CAP2: variants seen among roughly 807,000 people sequenced by gnomAD.
CAP2 encodes cyclase associated actin cytoskeleton regulatory protein 2.
CAP2 carries 24 observed loss-of-function variants against 57.7 expected under a neutral mutation model. The ratio of observed to expected loss-of-function variants is 0.42; its 90% CI spans 0.30 to 0.58. CAP2 has a LOEUF of 0.58. CAP2 is among the 20% of genes least tolerant of loss of function. CAP2 has a pLI of 0.22. For missense variants in CAP2, 501 were observed against 590.3 expected (o/e 0.85, Z 1.57); for synonymous variants, 194 against 207.2 (o/e 0.94, Z 0.55).
intron 1 of CAP2, among the ~76,000 whole-genome samples, chr6:17,400,009 A>G (rs969310714): frequency 3.3e-5 from 5 of 152,038 alleles, no homozygotes; most frequent in African/African-American, 1.2e-4. Context: ...TCACAAGGTC[A>G]GGAGATTGAG....
At chr6:17,533,620 G>T (rs1479334303) in intron 7 of CAP2, among the ~76,000 whole-genome samples, 3 of 149,720 alleles carry the variant, frequency 2.0e-5, no homozygotes, top group South Asian at 2.1e-4. Context: ...CCAGGCTGAA[G>T]TACAGTGGCG....
intron 8 of CAP2, among the ~76,000 whole-genome samples, chr6:17,539,903 G>A (rs1363663598): frequency 6.6e-6 from 1 of 152,026 alleles, no homozygotes; most frequent in Non-Finnish European, 1.5e-5. Flanking sequence ...AACATAGTGA[G>A]ACCCCATCTT....
chr6:17,443,329 A>G (rs1310507702), intron 3 of CAP2, among the ~76,000 whole-genome samples: 3 of 152,132 alleles, frequency 2.0e-5, no homozygotes, highest in Non-Finnish European at 4.4e-5. Context: ...ATACTGCAGA[A>G]TATATGTTCT....
At chr6:17,481,734 T>A (rs1761291702) in intron 4 of CAP2, among the ~76,000 whole-genome samples, 2 of 152,202 alleles carry the variant, frequency 1.3e-5, no homozygotes. Flanking sequence ...TCTGAAAATA[T>A]CCTTCTCTGC....
chr6:17,493,445 A>G, intron 4 of CAP2: 1 of 311,942 alleles, frequency 3.2e-6, no homozygotes, highest in Non-Finnish European at 6.7e-6. Context: ...TTTCACCGCC[A>G]ACCACAGACT....
chr6:17,448,233 G>T (rs1413680239), intron 3 of CAP2, among the ~76,000 whole-genome samples: 1 of 152,238 alleles, frequency 6.6e-6, no homozygotes, highest in Non-Finnish European at 1.5e-5. Flanking sequence ...GTAGCCAAGT[G>T]TCCTTTATTT....
At chr6:17,497,445 A>G (rs951973737) in intron 4 of CAP2, among the ~76,000 whole-genome samples, 3 of 152,236 alleles carry the variant, frequency 2.0e-5, no homozygotes, top group Admixed American at 2.0e-4. Flanking sequence ...GATTCTTCTT[A>G]GCCACCTGAT....
chr6:17,523,266 C>T (rs144460499), intron 7 of CAP2, among the ~76,000 whole-genome samples: 2 of 152,168 alleles, frequency 1.3e-5, no homozygotes, highest in African/African-American at 4.8e-5. Flanking sequence ...CACAAAATTT[C>T]CAATCTGGAA....
chr6:17,525,932 G>A (rs1197163456), intron 7 of CAP2, among the ~76,000 whole-genome samples: 2 of 152,116 alleles, frequency 1.3e-5, no homozygotes, highest in Non-Finnish European at 2.9e-5. Flanking sequence ...TCCATTTCCA[G>A]TTCAGCCTGA....
intron 2 of CAP2, among the ~76,000 whole-genome samples, chr6:17,424,975 A>T (rs1759550515): frequency 6.6e-6 from 1 of 152,200 alleles, no homozygotes; most frequent in Non-Finnish European, 1.5e-5. Flanking sequence ...TTTATGTTCC[A>T]GAAGTTGTTA....
At chr6:17,521,698 A>G (rs368118500) in intron 7 of CAP2, among the ~76,000 whole-genome samples, 11 of 152,148 alleles carry the variant, frequency 7.2e-5, no homozygotes, top group African/African-American at 2.4e-4. Flanking sequence ...GCAGTGTGCT[A>G]GGGAATCCAC....
intron 3 of CAP2, among the ~76,000 whole-genome samples, chr6:17,457,601 A>G (rs1352513945): frequency 1.3e-5 from 2 of 152,266 alleles, no homozygotes; most frequent in Admixed American, 1.3e-4. Flanking sequence ...TCAAATTCTC[A>G]GAAAGGTTTT....
intron 2 of CAP2, 133 bp downstream of exon 2, chr6:17,421,809 A>G (rs1759455306): frequency 1.5e-5 from 15 of 1,015,780 alleles, no homozygotes; most frequent in Admixed American, 1.0e-4. Context: ...TGACCATAAC[A>G]TTAACCAGAG....
intron 9 of CAP2, among the ~76,000 whole-genome samples, chr6:17,542,371 G>A (rs926466048): frequency 6.6e-6 from 1 of 152,156 alleles, no homozygotes; most frequent in Non-Finnish European, 1.5e-5. Context: ...ATGAAAGCTG[G>A]TGTCTCCTGC....
At chr6:17,453,387 T>C (rs1760465852) in intron 3 of CAP2, among the ~76,000 whole-genome samples, 2 of 152,216 alleles carry the variant, frequency 1.3e-5, no homozygotes, top group South Asian at 4.1e-4. Context: ...CTTGGAACTG[T>C]GTATCGGGAA....
At chr6:17,482,780 G>A (rs1040015507) in intron 4 of CAP2, among the ~76,000 whole-genome samples, 1 of 152,078 alleles carries the variant, frequency 6.6e-6, no homozygotes, top group Non-Finnish European at 1.5e-5. Flanking sequence ...ACTGCAGTAC[G>A]ACCTCATCTT....
At chr6:17,527,597 CTTTT>C (rs10668941) in intron 7 of CAP2, among the ~76,000 whole-genome samples, 1 of 131,214 alleles carries the variant, frequency 7.6e-6, no homozygotes, top group African/African-American at 2.9e-5. Context: ...TGTTCTCTTT[CTTTT>C]TTTTTTTTTT....
At chr6:17,547,643 C>A (rs931831732) in intron 11 of CAP2, among the ~76,000 whole-genome samples, 4 of 151,970 alleles carry the variant, frequency 2.6e-5, no homozygotes, top group Non-Finnish European at 4.4e-5. Flanking sequence ...AGATTGAGAC[C>A]ATCCTGGCTA....
intron 7 of CAP2, among the ~76,000 whole-genome samples, chr6:17,534,045 C>G (rs1314720103): frequency 6.6e-6 from 1 of 152,148 alleles, no homozygotes; most frequent in African/African-American, 2.4e-5. Context: ...AAGTCTGTCT[C>G]CCTTCAGGCT....
Sources: gnomAD v4.1 joint callset for allele counts (sites outside exome capture counted in the v4.1 genomes callset) on GRCh38, gnomAD v4.1.1 for gene constraint, MANE v1.5 for transcripts, NCBI Gene and HGNC (gene_info 2026-07-23, HGNC 2026-07-21) for gene names.